Variants in APBB1 observed in about 807,000 individuals in gnomAD.
APBB1 encodes amyloid beta precursor protein binding family B member 1, also known as adaptor protein FE65a2.
APBB1 carries 22 observed loss-of-function variants against 78.4 expected under a neutral mutation model. The observed-to-expected ratio is 0.28, with a 90% confidence interval of 0.20 to 0.40. The LOEUF (loss-of-function observed/expected upper bound fraction) is 0.40. Ranked by LOEUF, APBB1 falls within the 10% of genes least tolerant of loss-of-function variation. APBB1 has a pLI of 1.00. For missense variants in APBB1, 749 were observed against 932.4 expected (o/e 0.80, Z 2.56); for synonymous variants, 369 against 372.7 (o/e 0.99, Z 0.12).
chr11:6,401,710 A>G lies in APBB1; in HGVS notation c.1389-22T>C, dbSNP rs1434466898. 5.0e-6 allele frequency: 8 copies of G among 1,612,402 alleles called. No homozygotes were observed. Among genetic ancestry groups the G allele is most frequent in the Non-Finnish European group, 6.8e-6 (8 of 1,178,532 alleles). The stretch of plus-strand genomic sequence containing the variant: ...GTCCCTGTTGGGGAAGGGGCACCTC[A>G]GTGTCTCCCAGTACCATCCAGTGCT... On this transcript the variant is annotated intron_variant, in intron 9 of 14. Transcript: ENST00000609360. This position sits in a 1 kb window ranked among gnomAD's most constrained non-coding sequence, Gnocchi z 4.5.
At chr11:6,405,585 C>T (rs1422360137) in intron 2 of APBB1, 4 of 985,868 alleles carry the variant, frequency 4.1e-6, no homozygotes, top group Non-Finnish European at 3.6e-6. Flanking sequence ...TGGGAGTGGG[C>T]GTGGTTACGC....
Position 6,411,413 on chromosome 11 carries a change from C to T in APBB1, c.-14-52G>A, listed in dbSNP as rs1848962949. ...TTGAGCCTCTGGTCCAGAACAGCAG[C>T]ATCACTGCTTCTGCCCCAGGGCTAT... is the stretch of plus-strand genomic sequence containing the variant. On this transcript the variant is annotated intron_variant, in intron 1 of 14. Coordinates refer to ENST00000609360, the MANE Select transcript of APBB1 (RefSeq NM_001164.5). This position sits in a 1 kb window ranked among gnomAD's most constrained non-coding sequence, Gnocchi z 5.2. 6.9e-7 allele frequency: 1 copy of T among 1,457,352 alleles called. No homozygotes were observed. The highest frequency in any genetic ancestry group is 9.2e-7 in the Non-Finnish European group (1 of 1,086,904). 90.3% of individuals were successfully genotyped at this position (1,457,352 alleles called of 1,614,324 possible).
intron 12 of APBB1, 90 bp downstream of exon 12, chr11:6,400,899 G>T: frequency 8.4e-7 from 1 of 1,193,906 alleles, no homozygotes; most frequent in Non-Finnish European, 1.3e-6. Flanking sequence ...CATGAGGAAG[G>T]TCTGGTAGAA....
intron 12 of APBB1, among the ~76,000 whole-genome samples, chr11:6,400,307 G>A (rs1416698841): frequency 1.3e-5 from 2 of 152,190 alleles, no homozygotes; most frequent in African/African-American, 4.8e-5. Context: ...CTCAGAGGCC[G>A]AGGCAGGTGG....
chr11:6,418,807 G>A (rs1849185095), intron 1 of APBB1, among the ~76,000 whole-genome samples, 178 bp downstream of exon 1: 1 of 152,210 alleles, frequency 6.6e-6, no homozygotes, highest in African/African-American at 2.4e-5. Flanking sequence ...AGTGGACCCT[G>A]CGATGGTGGG....
At chr11:6,407,586 T>C (rs1848844545) in intron 2 of APBB1, among the ~76,000 whole-genome samples, 1 of 152,224 alleles carries the variant, frequency 6.6e-6, no homozygotes, top group Admixed American at 6.5e-5. Context: ...TTTACACCAA[T>C]ATCTAGTTTT....
chr11:6,417,026 G>A (rs112520010), intron 1 of APBB1, among the ~76,000 whole-genome samples: 3,675 of 152,308 alleles, frequency 0.024, 154 homozygotes, highest in African/African-American at 0.081. Context: ...TTACAGGCGT[G>A]AGCCATCACG....
In APBB1 at chr11:6,410,826, A is replaced by C; in HGVS notation, c.522T>G (p.Ser174=). Reference sequence around the variant, plus strand: ...GGGGCTCAGGCAGCCCTGGGGGAGAAGATAAGTCCTCCTCCTCCTCTTCAT... The same window carrying C: ...GGGGCTCAGGCAGCCCTGGGGGAGACGATAAGTCCTCCTCCTCCTCTTCAT... ...DDDEEEEEDL[S]SPPGLPEPLE... Residue 174 remains serine (S), a synonymous_variant, in exon 2 of 15, where the codon TCT becomes TCG. Coordinates refer to ENST00000609360, the MANE Select transcript of APBB1 (RefSeq NM_001164.5). 1 of 1,613,828 alleles carries C rather than the reference A, an allele frequency of 6.2e-7. No individual in the cohort carries two copies. Among genetic ancestry groups the C allele is most frequent in the East Asian group, 2.2e-5 (1 of 44,878 alleles).
At chr11:6,397,008 C>T (rs576889959) in intron 12 of APBB1, among the ~76,000 whole-genome samples, 1 of 152,246 alleles carries the variant, frequency 6.6e-6, no homozygotes. Context: ...CACATGGCCT[C>T]CTCCACCTCA....
intron 2 of APBB1, 88 bp downstream of exon 2, chr11:6,410,539 A>T: frequency 1.6e-6 from 2 of 1,214,568 alleles, no homozygotes; most frequent in East Asian, 4.8e-5. Flanking sequence ...CTCTCAGCTC[A>T]CATCAGGCTG....
At chr11:6,400,865 T>A in intron 12 of APBB1, 124 bp downstream of exon 12, 1 of 918,816 alleles carries the variant, frequency 1.1e-6, no homozygotes, top group Admixed American at 1.7e-5. Context: ...TGGGATGCAT[T>A]TTAAAGGGTA....
intron 1 of APBB1, among the ~76,000 whole-genome samples, chr11:6,412,582 T>A (rs1848998498): frequency 6.6e-6 from 1 of 152,228 alleles, no homozygotes; most frequent in Non-Finnish European, 1.5e-5. Flanking sequence ...TGTCACCATC[T>A]GACAAGCCAA....
chr11:6,405,377 C>A lies in APBB1; in HGVS notation c.722-1555G>T, dbSNP rs1035072298. 3.2e-4 allele frequency: 315 copies of A among 986,638 alleles called. 1 individual carries two copies. Among genetic ancestry groups the A allele is most frequent in the Non-Finnish European group, 3.6e-4 (295 of 830,606 alleles). 61.1% of individuals were successfully genotyped at this position (986,638 alleles called of 1,614,324 possible). A position where few individuals can be genotyped will look rare whatever the true frequency, so the allele number is the denominator to read the frequency against. On this transcript the variant is annotated intron_variant, in intron 2 of 14. Transcript: ENST00000609360. The stretch of plus-strand genomic sequence containing the variant: ...CTTGGGGCTTCCCAGCACCACCCCC[C>A]ACCCCTCACCTGCCAGGGCCCAGCT...
Position 6,395,614 on chromosome 11 carries a change from C to A in APBB1, c.2053G>T (p.Val685Leu). The change falls in exon 15 of 15, where the codon GTA becomes TTA. Residue 685 changes from valine (V) to leucine (L), a missense_variant. By Grantham distance (32) the Val-to-Leu change is conservative. Transcript: ENST00000609360. This position sits in a 1 kb window ranked among gnomAD's most constrained non-coding sequence, Gnocchi z 5.2. ...APPAESVARR[V>L]GWTVRRGVQS... is the part of the protein sequence containing the mutation. ...ACACCCCTGCGGACAGTCCACCCTA[C>A]ACGCCGTGCCACAGACTCAGCAGGG... The A allele has an allele frequency of 1.3e-6, 2 of 1,597,888 alleles. No homozygotes were observed. The highest frequency in any genetic ancestry group is 2.2e-5 in the East Asian group (1 of 44,632).
At chr11:6,417,219 C>T (rs1283657265) in intron 1 of APBB1, among the ~76,000 whole-genome samples, 1 of 152,124 alleles carries the variant, frequency 6.6e-6, no homozygotes, top group Non-Finnish European at 1.5e-5. Context: ...TCCATGCTTC[C>T]TGGGACCTCT....
At chr11:6,409,026 G>T (rs1564944523) in intron 2 of APBB1, among the ~76,000 whole-genome samples, 1 of 151,984 alleles carries the variant, frequency 6.6e-6, no homozygotes. Flanking sequence ...TATTGTGGTG[G>T]GTTTTTTTTT....
At position 6,395,769 on chromosome 11, in the gene APBB1, CCCT is replaced by C; in HGVS notation, c.1965+14_1965+16del. The C allele has an allele frequency of 6.2e-7, 1 of 1,607,408 alleles. No homozygotes were observed. Among genetic ancestry groups the C allele is most frequent in the Non-Finnish European group, 8.5e-7 (1 of 1,177,558 alleles). ...ATGGGGCCACGCCACCACCACACCA[CCCT>C]ACTAGTAGCTTACCATGCACGCAGC... is the stretch of plus-strand genomic sequence containing the variant. On this transcript the variant is annotated intron_variant, in intron 14 of 14. Transcript: ENST00000609360. This position sits in a 1 kb window ranked among gnomAD's most constrained non-coding sequence, Gnocchi z 5.2.
At chr11:6,396,264 C>G (rs1848216638) in intron 12 of APBB1, 49 bp from the exon 13 acceptor site, 4 of 1,472,346 alleles carry the variant, frequency 2.7e-6, no homozygotes, top group Non-Finnish European at 3.7e-6. Context: ...AGAGGATACC[C>G]CAGCTCTACC....
At chr11:6,398,003 T>C (rs1848320145) in intron 12 of APBB1, among the ~76,000 whole-genome samples, 1 of 152,150 alleles carries the variant, frequency 6.6e-6, no homozygotes. Flanking sequence ...TTCAGGTGTG[T>C]GAAAGGGACA....
Sources: gnomAD v4.1 joint callset for allele counts (sites outside exome capture counted in the v4.1 genomes callset) on GRCh38, gnomAD v4.1.1 for gene constraint, Gnocchi (gnomAD v3.1) non-coding constraint, MANE v1.5 for transcripts, NCBI Gene and HGNC (gene_info 2026-07-23, HGNC 2026-07-21) for gene names.